The following LIPA variants were observed in gnomAD, a reference collection of about 807,000 sequenced individuals.
LIPA encodes the protein lysosomal acid lipase/cholesteryl ester hydrolase.
Under a neutral mutation model 40.6 loss-of-function variants are expected in LIPA, and 26 were observed. The ratio of observed to expected loss-of-function variants is 0.64; its 90% CI spans 0.47 to 0.89. The LOEUF is 0.89. Among genes scored for constraint, LIPA ranks in the 40% least tolerant of loss-of-function variants. The pLI is 0.00. For synonymous variants in LIPA, 188 were observed against 168.4 expected (o/e 1.12, Z -0.90); for missense variants, 455 against 479.6 (o/e 0.95, Z 0.48).
chr10:89,286,460 G>A (rs530659822), intron 1 of LIPA, among the ~76,000 whole-genome samples: 2 of 152,246 alleles, frequency 1.3e-5, no homozygotes, highest in East Asian at 3.9e-4. Context: ...TCTGCGACTA[G>A]CCCTCCCGGA....
intron 2 of LIPA, among the ~76,000 whole-genome samples, chr10:89,387,383 G>A (rs1404684873): frequency 6.6e-6 from 1 of 151,734 alleles, no homozygotes; most frequent in Non-Finnish European, 1.5e-5. Context: ...ACATAAGAGG[G>A]AATCAATAAA....
At chr10:89,259,149 T>C (rs957317336) in intron 1 of LIPA, among the ~76,000 whole-genome samples, 3 of 152,214 alleles carry the variant, frequency 2.0e-5, no homozygotes, top group African/African-American at 7.2e-5. Context: ...CTGAATGCCA[T>C]TGTTCCCTTT....
At chr10:89,318,381 C>G (rs1044759778) in intron 1 of LIPA, among the ~76,000 whole-genome samples, 2 of 151,908 alleles carry the variant, frequency 1.3e-5, no homozygotes, top group Non-Finnish European at 2.9e-5. Context: ...ATCTACCAAG[C>G]AAATGGAAAA....
intron 1 of LIPA, chr10:89,342,486 A>G (rs748649122): frequency 6.6e-6 from 1 of 152,200 alleles, no homozygotes; most frequent in Non-Finnish European, 1.5e-5. Context: ...AAAGGAAACA[A>G]CATACCAGAA....
chr10:89,400,903 A>G (rs1844411924), intron 2 of LIPA, among the ~76,000 whole-genome samples: 1 of 151,868 alleles, frequency 6.6e-6, no homozygotes, highest in Non-Finnish European at 1.5e-5. Flanking sequence ...GGTTTTTCAT[A>G]TATGGCTTTA....
intron 1 of LIPA, chr10:89,307,014 C>G (rs756997117): frequency 6.2e-7 from 1 of 1,613,938 alleles, no homozygotes; most frequent in South Asian, 1.1e-5. Flanking sequence ...TATGAAGACG[C>G]AGAGTATTAC....
At chr10:89,335,895 T>C (rs988442248) in intron 1 of LIPA, among the ~76,000 whole-genome samples, 2 of 152,206 alleles carry the variant, frequency 1.3e-5, no homozygotes, top group African/African-American at 2.4e-5. Context: ...TTACTTTTGG[T>C]ATTCATTTTT....
chr10:89,213,780 AT>A lies in LIPA; in HGVS notation c.*1047del, dbSNP rs1324304078. The A allele has an allele frequency of 5.3e-5, 8 of 152,240 alleles. No homozygotes were observed. The highest frequency in any genetic ancestry group is 2.9e-5 in the Non-Finnish European group (2 of 68,036). The allele number at this position is 152,240 out of a possible 1,614,324, so 9.4% of individuals were successfully genotyped here. A position where few individuals can be genotyped will look rare whatever the true frequency, so the allele number is the denominator to read the frequency against. The stretch of plus-strand genomic sequence containing the variant: ...GATGCTGCAAGAAAAGCAGACAAAT[AT>A]GGACTTCCCAACATAGGGACGTGAA... On this transcript the variant is annotated 3_prime_UTR_variant, in exon 10 of 10. Coordinates refer to ENST00000336233, the MANE Select transcript of LIPA (RefSeq NM_000235.4).
intron 3 of LIPA, among the ~76,000 whole-genome samples, chr10:89,243,111 G>A (rs1393478884): frequency 6.6e-6 from 1 of 152,168 alleles, no homozygotes; most frequent in Non-Finnish European, 1.5e-5. Context: ...AAGAGGACGC[G>A]TTTCACTTTG....
intron 2 of LIPA, among the ~76,000 whole-genome samples, chr10:89,247,102 G>A (rs1207350123): frequency 1.3e-5 from 2 of 152,084 alleles, no homozygotes; most frequent in African/African-American, 2.4e-5. Flanking sequence ...TGGGCACGGT[G>A]GCTCACGCCT....
upstream of LIPA, among the ~76,000 whole-genome samples, chr10:89,254,394 G>C (rs565099982): frequency 1.3e-5 from 2 of 152,344 alleles, no homozygotes; most frequent in South Asian, 4.1e-4. Context: ...GGCCTGAGCT[G>C]TACTTTAACC....
At chr10:89,238,304 G>A (rs1480518113) in intron 3 of LIPA, among the ~76,000 whole-genome samples, 2 of 152,198 alleles carry the variant, frequency 1.3e-5, no homozygotes, top group Admixed American at 6.5e-5. Context: ...AGCACCAGAC[G>A]ATGGGAAAGA....
At chr10:89,356,344 A>G (rs551239088) in intron 2 of LIPA, among the ~76,000 whole-genome samples, 19 of 152,250 alleles carry the variant, frequency 1.2e-4, no homozygotes, top group Admixed American at 5.9e-4. Flanking sequence ...GGTGTCCCCA[A>G]TCCCTGGGCT....
chr10:89,244,389 C>T (rs1219214115), intron 3 of LIPA, among the ~76,000 whole-genome samples: 1 of 152,148 alleles, frequency 6.6e-6, no homozygotes, highest in African/African-American at 2.4e-5. Context: ...GCCCGTATAA[C>T]ACTTAAATTG....
chr10:89,306,440 G>C lies in LIPA; in HGVS notation c.-2+36171C>G. The C allele has an allele frequency of 6.2e-7, 1 of 1,614,120 alleles. No individual in the cohort carries two copies. On this transcript the variant is annotated intron_variant, in intron 1 of 5. Transcript: ENST00000282673. Reference sequence around the variant, plus strand: ...AAATGAAAGAGCGAAGGTGTGCTTTGAGAAGGCTCTGGAAAAGAAGCCAAA... The same window carrying C: ...AAATGAAAGAGCGAAGGTGTGCTTTCAGAAGGCTCTGGAAAAGAAGCCAAA...
At chr10:89,236,177 A>G (rs1842902427) in intron 3 of LIPA, among the ~76,000 whole-genome samples, 1 of 152,234 alleles carries the variant, frequency 6.6e-6, no homozygotes, top group Non-Finnish European at 1.5e-5. Context: ...AACATTTTCA[A>G]AACTTAGACA....
intron 2 of LIPA, chr10:89,377,914 A>G: frequency 2.0e-6 from 1 of 512,584 alleles, no homozygotes. Context: ...GCCAAAACTC[A>G]GCATGTATTT....
chr10:89,399,272 A>T (rs890978168), intron 2 of LIPA, among the ~76,000 whole-genome samples: 4 of 152,008 alleles, frequency 2.6e-5, no homozygotes, highest in East Asian at 1.9e-4. Context: ...CTGTATATTA[A>T]TCCCCTATCA....
intron 2 of LIPA, among the ~76,000 whole-genome samples, chr10:89,410,865 G>A (rs1390624659): frequency 1.3e-5 from 2 of 152,190 alleles, no homozygotes. Context: ...GCCACTGGCA[G>A]AGGCAGGGAA....
Sources: allele counts gnomAD v4.1 joint callset (sites outside exome capture counted in the v4.1 genomes callset), GRCh38; gene constraint gnomAD v4.1.1; transcripts MANE v1.5; gene names NCBI Gene and HGNC (gene_info 2026-07-23, HGNC 2026-07-21).